Variants in GALNT16 observed in about 807,000 individuals in gnomAD.
GALNT16 encodes the protein polypeptide N-acetylgalactosaminyltransferase 16.
Under a neutral mutation model 76.1 loss-of-function variants are expected in GALNT16, and 40 were observed. The ratio of observed to expected loss-of-function variants is 0.53; its 90% confidence interval spans 0.41 to 0.68. The LOEUF (loss-of-function observed/expected upper bound fraction) is 0.68, where lower values mean the gene tolerates loss of function less well. Among genes scored for constraint, GALNT16 ranks in the 30% least tolerant of loss-of-function variants. GALNT16 has a pLI of 0.00. For missense variants in GALNT16, 621 were observed against 731.9 expected, an observed-to-expected ratio of 0.85 and a Z score of 1.75; for synonymous variants, 276 against 285.2, an observed-to-expected ratio of 0.97 and a Z score of 0.32.
intron 1 of GALNT16, 168 bp downstream of exon 1, chr14:69,260,635 C>G (rs2044253169): frequency 8.0e-6 from 3 of 374,518 alleles, no homozygotes; most frequent in African/African-American, 4.3e-5. Flanking sequence ...CAACCTCTGC[C>G]GGGCGGCGGG....
chr14:69,338,486 AG>A (rs2045441891), intron 9 of GALNT16, among the ~76,000 whole-genome samples, 164 bp from the exon 10 acceptor site: 2 of 152,206 alleles, frequency 1.3e-5, no homozygotes, highest in African/African-American at 4.8e-5. Context: ...GTGGGCAGTC[AG>A]GAACCTGTGC....
chr14:69,260,540 A>G, intron 1 of GALNT16, 73 bp downstream of exon 1: 1 of 1,103,470 alleles, frequency 9.1e-7, no homozygotes, highest in South Asian at 4.3e-5. Context: ...GCGGCGGCCG[A>G]GGGCGCGGGG....
At chr14:69,310,158 G>GTACTACTAGTATAGTAGTATTCTACTATA (rs2044996325) in intron 1 of GALNT16, among the ~76,000 whole-genome samples, 2 of 151,880 alleles carry the variant, frequency 1.3e-5, no homozygotes, top group Admixed American at 6.6e-5. Context: ...AAGACTACAG[G>GTACTACTAGTATAGTAGTATTCTACTATA]TACTACTAGT....
intron 9 of GALNT16, among the ~76,000 whole-genome samples, chr14:69,337,465 G>A (rs911207542): frequency 3.9e-5 from 6 of 152,180 alleles, no homozygotes; most frequent in Non-Finnish European, 7.3e-5. Flanking sequence ...GACATTATGG[G>A]CTGAGTGGGA....
the GALNT16 span, chr14:69,380,493 C>T: frequency 1.8e-6 from 2 of 1,090,696 alleles, no homozygotes; most frequent in Non-Finnish European, 2.8e-6. Context: ...CTGTACACAC[C>T]TGTGTTCCAA....
the GALNT16 span, among the ~76,000 whole-genome samples, chr14:69,378,975 C>T: frequency 1.9e-3 from 292 of 152,006 alleles, no homozygotes; most frequent in Middle Eastern, 0.017. Context: ...TCTCTGTCAC[C>T]CAAGCTGGAG....
intron 1 of GALNT16, among the ~76,000 whole-genome samples, chr14:69,270,331 C>T (rs1003664945): frequency 3.9e-5 from 6 of 152,174 alleles, no homozygotes; most frequent in African/African-American, 1.4e-4. Flanking sequence ...GAGGTGTGTC[C>T]TCTGAGGTTC....
intron 1 of GALNT16, among the ~76,000 whole-genome samples, chr14:69,265,750 T>G (rs2044334665): frequency 6.6e-6 from 1 of 152,228 alleles, no homozygotes; most frequent in Non-Finnish European, 1.5e-5. Flanking sequence ...ACTTGGGCAG[T>G]AAATTCAGTT....
At chr14:69,297,081 A>C (rs1469437266) in intron 1 of GALNT16, among the ~76,000 whole-genome samples, 5 of 152,258 alleles carry the variant, frequency 3.3e-5, no homozygotes, top group Non-Finnish European at 5.9e-5. Flanking sequence ...TTTTACTCTT[A>C]ACAGGCAATG....
intron 2 of GALNT16, among the ~76,000 whole-genome samples, chr14:69,322,979 T>TGC (rs759883041): frequency 0.036 from 1,131 of 31,744 alleles, 33 homozygotes; most frequent in Non-Finnish European, 0.041. Context: ...TGTGTGTGTG[T>TGC]GTGCGCGCGC....
At chr14:69,372,290 T>C in the GALNT16 span, among the ~76,000 whole-genome samples, 474 of 152,130 alleles carry the variant, frequency 3.1e-3, 4 homozygotes, top group African/African-American at 0.011. Flanking sequence ...CACAGGCTCT[T>C]GGGGCAACAT....
chr14:69,327,272 C>T (rs1364192801), intron 5 of GALNT16, among the ~76,000 whole-genome samples: 1 of 152,132 alleles, frequency 6.6e-6, no homozygotes, highest in African/African-American at 2.4e-5. Context: ...ATCACTTGAA[C>T]GCTTGAACCC....
At chr14:69,322,925 G>GGGGTGTGTGTGTGT (rs797021875) in intron 2 of GALNT16, among the ~76,000 whole-genome samples, 44 of 103,856 alleles carry the variant, frequency 4.2e-4, no homozygotes, top group African/African-American at 1.7e-3. Context: ...TGGCTCACGG[G>GGGGTGTGTGTGTGT]GTGTGTGTGT....
chr14:69,290,899 T>C (rs182864369), intron 1 of GALNT16, among the ~76,000 whole-genome samples: 1 of 152,340 alleles, frequency 6.6e-6, no homozygotes, highest in Non-Finnish European at 1.5e-5. Flanking sequence ...GAAGGTTCCC[T>C]GAAGCTTCAG....
At chr14:69,348,179 A>T in intron 14 of GALNT16, 177 bp downstream of exon 14, 1 of 623,764 alleles carries the variant, frequency 1.6e-6, no homozygotes, top group Non-Finnish European at 2.8e-6. Context: ...GCCCATGAGG[A>T]AATACTTCTT....
chr14:69,325,959 C>G lies in GALNT16; in HGVS notation c.503-3C>G, dbSNP rs370892416. Reference sequence around the variant, plus strand: ...GAGCTTGCCTTCCTCTTTGCATCCTCAGCGGAAGACTGTCTACTCCTGACC... The same window carrying G: ...GAGCTTGCCTTCCTCTTTGCATCCTGAGCGGAAGACTGTCTACTCCTGACC... On this transcript the variant is annotated splice_polypyrimidine_tract_variant and splice_region_variant and intron_variant, in intron 4 of 14. Coordinates refer to ENST00000448469, the MANE Select transcript of GALNT16 (RefSeq NM_001168368.2). 1 of 1,612,830 alleles carries G rather than the reference C, an allele frequency of 6.2e-7. No homozygotes were observed. The highest frequency in any genetic ancestry group is 1.3e-5 in the African/African-American group (1 of 74,904).
intron 1 of GALNT16, among the ~76,000 whole-genome samples, chr14:69,298,117 TC>T (rs1172652961): frequency 7.9e-5 from 12 of 152,316 alleles, no homozygotes; most frequent in African/African-American, 2.9e-4. Context: ...CTAGAGACAT[TC>T]AGGACTGGTT....
downstream of GALNT16, among the ~76,000 whole-genome samples, chr14:69,359,950 A>G (rs1439192475): frequency 2.0e-5 from 3 of 152,124 alleles, no homozygotes; most frequent in African/African-American, 4.8e-5. Flanking sequence ...ACTTGAACCC[A>G]GGAGGCAGAG....
chr14:69,332,184 A>T (rs900682700), intron 7 of GALNT16, among the ~76,000 whole-genome samples: 3 of 152,256 alleles, frequency 2.0e-5, no homozygotes. Context: ...ATATTACATT[A>T]AAAATATTTC....
Sources: allele counts gnomAD v4.1 joint callset (sites outside exome capture counted in the v4.1 genomes callset), GRCh38; gene constraint gnomAD v4.1.1; transcripts MANE v1.5; gene names NCBI Gene and HGNC (gene_info 2026-07-23, HGNC 2026-07-21).